Variants in LIMA1 observed in about 807,000 individuals in gnomAD.
LIMA1 encodes the protein LIM domain and actin binding 1, also known as LIM domain and actin-binding protein 1.
LIMA1 carries 52 observed loss-of-function variants against 62.6 expected under a neutral mutation model. That is an observed-to-expected ratio of 0.83 (90% CI 0.67 to 1.05). The LOEUF (loss-of-function observed/expected upper bound fraction) is 1.05. Among genes scored for constraint, LIMA1 ranks in the 50% least tolerant of loss-of-function variants. The pLI is 0.00. For missense variants in LIMA1, 780 were observed against 902.2 expected (o/e 0.86, Z 1.74); for synonymous variants, 302 against 317.8 (o/e 0.95, Z 0.53).
intron 2 of LIMA1, among the ~76,000 whole-genome samples, chr12:50,234,869 C>T (rs957671384): frequency 2.6e-5 from 4 of 151,914 alleles, no homozygotes; most frequent in African/African-American, 9.7e-5. Context: ...CAAAAATTAG[C>T]CAGGTGTGGT....
intron 6 of LIMA1, among the ~76,000 whole-genome samples, chr12:50,203,744 G>A (rs1443165862): frequency 2.0e-5 from 3 of 152,080 alleles, no homozygotes; most frequent in Admixed American, 6.6e-5. Flanking sequence ...TACTGAGCAC[G>A]TCACCTTCTT....
intron 9 of LIMA1, chr12:50,186,555 T>C (rs369864552): frequency 3.9e-5 from 6 of 152,640 alleles, no homozygotes; most frequent in East Asian, 3.9e-4. Flanking sequence ...GCCCAGAGCA[T>C]AGACAACCCC....
chr12:50,215,236 A>C (rs900645942), intron 4 of LIMA1, among the ~76,000 whole-genome samples: 55 of 152,202 alleles, frequency 3.6e-4, no homozygotes, highest in African/African-American at 1.3e-3. Flanking sequence ...ACTTACAAGA[A>C]GAAAAACCAC....
At chr12:50,199,923 C>T (rs1941008515) in intron 7 of LIMA1, among the ~76,000 whole-genome samples, 1 of 150,398 alleles carries the variant, frequency 6.6e-6, no homozygotes, top group African/African-American at 2.4e-5. Flanking sequence ...GATGGAGTTT[C>T]GCTCTTGTTG....
At chr12:50,189,615 A>G (rs1940707135) in intron 9 of LIMA1, 1 of 152,190 alleles carries the variant, frequency 6.6e-6, no homozygotes, top group Admixed American at 6.5e-5. Flanking sequence ...CAAACCTAAA[A>G]TAAGTTTTGC....
intron 10 of LIMA1, among the ~76,000 whole-genome samples, chr12:50,181,054 G>A (rs1008616287): frequency 1.7e-4 from 25 of 147,520 alleles, no homozygotes; most frequent in African/African-American, 6.3e-4. Context: ...AGAGGTTGCA[G>A]TGAGCTGAGA....
At chr12:50,179,254 A>G (rs12426261) in intron 10 of LIMA1, among the ~76,000 whole-genome samples, 107,518 of 151,740 alleles carry the variant, frequency 0.71, 39,121 homozygotes, top group East Asian at 0.92. Context: ...CGATTCTCCT[A>G]CCTCAGCCTC....
At chr12:50,263,815 C>CTA (rs1299778798) in intron 1 of LIMA1, among the ~76,000 whole-genome samples, 7,429 of 95,396 alleles carry the variant, frequency 0.078, 299 homozygotes, top group African/African-American at 0.14. Flanking sequence ...GTGTGTGTGT[C>CTA]TATATATATA....
At chr12:50,195,492 G>A (rs988988319) in intron 8 of LIMA1, 1 of 189,436 alleles carries the variant, frequency 5.3e-6, no homozygotes, top group Non-Finnish European at 1.1e-5. Flanking sequence ...CATTATAAAT[G>A]AATAAAATCC....
intron 4 of LIMA1, among the ~76,000 whole-genome samples, chr12:50,212,743 TATATA>T (rs1444808902): frequency 6.6e-6 from 1 of 152,190 alleles, no homozygotes; most frequent in Non-Finnish European, 1.5e-5. Context: ...AAGCTGAAAA[TATATA>T]AGAATAAACA....
intron 7 of LIMA1, among the ~76,000 whole-genome samples, chr12:50,198,556 A>G (rs1199306970): frequency 6.6e-6 from 1 of 152,112 alleles, no homozygotes; most frequent in East Asian, 1.9e-4. Context: ...CTCATCTCTA[A>G]AAAAATTTAA....
chr12:50,198,302 T>C (rs1321211699), intron 7 of LIMA1, among the ~76,000 whole-genome samples: 2 of 152,152 alleles, frequency 1.3e-5, no homozygotes, highest in African/African-American at 4.8e-5. Flanking sequence ...TCCAGTACTT[T>C]GGGAGGCTGA....
At chr12:50,196,377 T>G (rs918511036) in intron 7 of LIMA1, among the ~76,000 whole-genome samples, 2 of 152,206 alleles carry the variant, frequency 1.3e-5, no homozygotes, top group Non-Finnish European at 2.9e-5. Flanking sequence ...ATAGAAGACC[T>G]TTTGACAGTT....
intron 1 of LIMA1, among the ~76,000 whole-genome samples, chr12:50,271,536 T>TC (rs1373267407): frequency 6.6e-6 from 1 of 152,188 alleles, no homozygotes; most frequent in Non-Finnish European, 1.5e-5. Flanking sequence ...TAGTTTTTTT[T>TC]CACACATAGT....
chr12:50,178,966 A>ATTTTCT (rs1555203082), intron 10 of LIMA1, among the ~76,000 whole-genome samples: 1 of 128,930 alleles, frequency 7.8e-6, no homozygotes, highest in Non-Finnish European at 1.8e-5. Flanking sequence ...ATATATATAT[A>ATTTTCT]TTTTTTTTTT....
chr12:50,264,070 G>T (rs1053867422), intron 1 of LIMA1, among the ~76,000 whole-genome samples: 5 of 151,742 alleles, frequency 3.3e-5, no homozygotes, highest in Admixed American at 6.6e-5. Context: ...CTACAACATG[G>T]ATGAACCCTG....
At position 50,268,654 on chromosome 12, in the gene LIMA1, G is replaced by A. The variant is rs145504356; in HGVS notation, c.-24+14766C>T. 0.016 allele frequency among the ~76,000 whole-genome samples: 2,440 copies of A among 151,504 alleles called. 92 individuals are homozygous for A. In the East Asian group the frequency reaches 0.17, roughly 11 times the overall value. ...GGGTCTTGCTATGTTGCCCAGGCTC[G>A]TCTTGAACTCCTGGGCTCAAGCGAT... is the stretch of plus-strand genomic sequence containing the variant. On this transcript the variant is annotated intron_variant, in intron 1 of 10. Transcript: ENST00000341247.
At chr12:50,198,904 TTCAG>T (rs1437310133) in intron 7 of LIMA1, among the ~76,000 whole-genome samples, 1 of 152,192 alleles carries the variant, frequency 6.6e-6, no homozygotes, top group Non-Finnish European at 1.5e-5. Context: ...CTTAAAATCT[TTCAG>T]TGGCTTTCTC....
intron 3 of LIMA1, among the ~76,000 whole-genome samples, chr12:50,223,821 T>C (rs1941486930): frequency 1.3e-5 from 2 of 152,130 alleles, no homozygotes; most frequent in Non-Finnish European, 2.9e-5. Context: ...GTGGATCACC[T>C]GAGGTCAGGA....
Sources: gnomAD v4.1 joint callset for allele counts (sites outside exome capture counted in the v4.1 genomes callset) on GRCh38, gnomAD v4.1.1 for gene constraint, MANE v1.5 for transcripts, NCBI Gene and HGNC (gene_info 2026-07-23, HGNC 2026-07-21) for gene names.